Variants in KLF8 observed in about 807,000 individuals in gnomAD.
KLF8 encodes the protein KLF transcription factor 8.
A neutral mutation model predicts 18.2 loss-of-function variants in KLF8; 10 were observed. The ratio of observed to expected loss-of-function variants is 0.55; its 90% confidence interval spans 0.34 to 0.93. KLF8 has a LOEUF of 0.93. Among genes scored for constraint, KLF8 ranks in the 40% least tolerant of loss-of-function variants. The pLI is 0.02. For synonymous variants in KLF8, 109 were observed against 97.3 expected (o/e 1.12, Z -0.71); for missense variants, 264 against 277.9 (o/e 0.95, Z 0.36).
intron 2 of KLF8, among the ~76,000 whole-genome samples, chrX:56,256,682 A>G (rs1428278353): frequency 8.9e-6 from 1 of 111,811 alleles, no homozygotes; most frequent in Non-Finnish European, 1.9e-5. Flanking sequence ...CTGGTCATTC[A>G]GGAGCAATTT....
the KLF8 span, among the ~76,000 whole-genome samples, chrX:56,063,041 G>A: frequency 4.5e-5 from 5 of 110,642 alleles, no homozygotes; most frequent in African/African-American, 1.6e-4. Flanking sequence ...TCTCTAAACT[G>A]GTTATTCTAG....
At chrX:56,052,291 G>A in the KLF8 span, among the ~76,000 whole-genome samples, 2 of 112,435 alleles carry the variant, frequency 1.8e-5, no homozygotes, top group Non-Finnish European at 3.8e-5. Context: ...TCTCCATCCA[G>A]CTTTGTTCCA....
chrX:56,254,902 C>T (rs886081279), intron 2 of KLF8, among the ~76,000 whole-genome samples: 4 of 111,422 alleles, frequency 3.6e-5, no homozygotes, highest in African/African-American at 1.3e-4. Flanking sequence ...AGCAGGAAAA[C>T]GGAAATATAA....
chrX:56,283,299 G>C (rs2067224607), intron 5 of KLF8, among the ~76,000 whole-genome samples: 1 of 111,891 alleles, frequency 8.9e-6, no homozygotes, highest in Non-Finnish European at 1.9e-5. Context: ...TTACACAAAA[G>C]ACCTGTAGCC....
chrX:56,028,132 C>G, the KLF8 span, among the ~76,000 whole-genome samples: 1 of 111,995 alleles, frequency 8.9e-6, no homozygotes, highest in Admixed American at 9.4e-5. Context: ...GCCATTTTTT[C>G]TCTTTCTGAC....
chrX:56,053,975 A>G, the KLF8 span, among the ~76,000 whole-genome samples: 1 of 110,459 alleles, frequency 9.1e-6, no homozygotes, highest in Non-Finnish European at 1.9e-5. Context: ...TAATCTTTTA[A>G]TGCTTTTTCA....
chrX:56,135,545 C>G, the KLF8 span, among the ~76,000 whole-genome samples: 2 of 110,214 alleles, frequency 1.8e-5, no homozygotes, highest in Non-Finnish European at 3.8e-5. Context: ...ACTCTGGGGA[C>G]TGTTGTGGGG....
the KLF8 span, among the ~76,000 whole-genome samples, chrX:56,063,383 A>G: frequency 9.0e-6 from 1 of 111,724 alleles, no homozygotes; most frequent in South Asian, 3.7e-4. Context: ...TGTTGATGCT[A>G]TTCCTTTCTG....
the KLF8 span, among the ~76,000 whole-genome samples, chrX:56,060,538 A>G: frequency 8.9e-6 from 1 of 111,938 alleles, no homozygotes; most frequent in African/African-American, 3.2e-5. Flanking sequence ...GATGAAGCTG[A>G]CTTGATCATC....
At chrX:56,258,374 G>A (rs1327537986) in intron 2 of KLF8, among the ~76,000 whole-genome samples, 2 of 111,864 alleles carry the variant, frequency 1.8e-5, no homozygotes, top group African/African-American at 3.3e-5. Context: ...CTGCGTTCAC[G>A]CCATTCTCCT....
At chrX:56,224,664 A>G in the KLF8 span, among the ~76,000 whole-genome samples, 1 of 112,284 alleles carries the variant, frequency 8.9e-6, no homozygotes, top group Non-Finnish European at 1.9e-5. Flanking sequence ...TACACTTAAT[A>G]TTATTATACA....
chrX:56,131,402 G>A, the KLF8 span, among the ~76,000 whole-genome samples: 2 of 111,455 alleles, frequency 1.8e-5, no homozygotes, highest in Non-Finnish European at 3.8e-5. Context: ...CTTCATAAAT[G>A]AAGGAAAGAT....
At chrX:56,145,349 T>G in the KLF8 span, among the ~76,000 whole-genome samples, 1 of 111,874 alleles carries the variant, frequency 8.9e-6, no homozygotes, top group South Asian at 3.7e-4. Context: ...CATCCACTGA[T>G]GTTGGGAAAG....
At chrX:56,062,302 T>G in the KLF8 span, among the ~76,000 whole-genome samples, 1 of 110,315 alleles carries the variant, frequency 9.1e-6, no homozygotes, top group African/African-American at 3.3e-5. Context: ...GGCTGGTACC[T>G]TGTTTTTTGT....
chrX:56,144,385 C>T, the KLF8 span, among the ~76,000 whole-genome samples: 4 of 108,967 alleles, frequency 3.7e-5, no homozygotes, highest in African/African-American at 6.7e-5. Flanking sequence ...GAAAAGGCAA[C>T]CTGTAGAATA....
At chrX:56,044,089 T>C in the KLF8 span, among the ~76,000 whole-genome samples, 1 of 112,163 alleles carries the variant, frequency 8.9e-6, no homozygotes, top group Non-Finnish European at 1.9e-5. Flanking sequence ...TTGAGTCTGC[T>C]TTAGACCCCA....
the KLF8 span, among the ~76,000 whole-genome samples, chrX:55,990,048 T>TA: frequency 9.0e-6 from 1 of 111,614 alleles, no homozygotes; most frequent in East Asian, 2.8e-4. Flanking sequence ...TCGGTGGTGA[T>TA]ATCCCCTTTA....
the KLF8 span, among the ~76,000 whole-genome samples, chrX:55,974,961 T>C: frequency 8.9e-6 from 1 of 112,486 alleles, no homozygotes; most frequent in Non-Finnish European, 1.9e-5. Flanking sequence ...TAGAGGTCTT[T>C]CATTTCTTCG....
the KLF8 span, among the ~76,000 whole-genome samples, chrX:55,957,362 T>C: frequency 8.9e-6 from 1 of 112,155 alleles, no homozygotes; most frequent in Non-Finnish European, 1.9e-5. Flanking sequence ...AAAATGGCTT[T>C]GACTATTCAG....
Sources: allele counts gnomAD v4.1 joint callset (sites outside exome capture counted in the v4.1 genomes callset), GRCh38; gene constraint gnomAD v4.1.1; transcripts MANE v1.5; gene names NCBI Gene and HGNC (gene_info 2026-07-23, HGNC 2026-07-21).